SEMA3E: variants seen among roughly 807,000 people sequenced by gnomAD.
SEMA3E encodes semaphorin-3E.
In SEMA3E, 49 loss-of-function variants were observed where a neutral mutation model predicts 93.6. That is an observed-to-expected ratio of 0.52 (90% CI 0.42 to 0.66). The LOEUF (loss-of-function observed/expected upper bound fraction) is 0.66, where lower values mean the gene tolerates loss of function less well. Among genes scored for constraint, SEMA3E ranks in the 30% least tolerant of loss-of-function variants. The pLI is 0.00. For missense variants in SEMA3E, 906 were observed against 964.8 expected, an observed-to-expected ratio of 0.94 and a Z score of 0.81; for synonymous variants, 363 against 330.7, an observed-to-expected ratio of 1.10 and a Z score of -1.06.
chr7:83,478,513 C>T (rs1338740406), intron 2 of SEMA3E, among the ~76,000 whole-genome samples: 2 of 152,046 alleles, frequency 1.3e-5, no homozygotes, highest in Non-Finnish European at 2.9e-5. Context: ...CAAATGTGTA[C>T]AGATTGCAAG....
At chr7:83,439,435 T>C (rs566133546) in intron 4 of SEMA3E, among the ~76,000 whole-genome samples, 12 of 152,326 alleles carry the variant, frequency 7.9e-5, no homozygotes, top group African/African-American at 2.4e-4. Flanking sequence ...CTAAGGTTAA[T>C]GGGCAAAGTC....
intron 1 of SEMA3E, among the ~76,000 whole-genome samples, chr7:83,570,588 T>A: frequency 7.1e-6 from 1 of 140,944 alleles, no homozygotes; most frequent in Admixed American, 7.0e-5. Context: ...TAGAAAGGTC[T>A]CAGACTAATG....
intron 4 of SEMA3E, among the ~76,000 whole-genome samples, chr7:83,459,803 C>T (rs1274107905): frequency 6.6e-6 from 1 of 152,146 alleles, no homozygotes; most frequent in African/African-American, 2.4e-5. Flanking sequence ...TGACATTCCA[C>T]CACAAAAGAA....
chr7:83,440,473 C>T (rs1789090876), intron 4 of SEMA3E, among the ~76,000 whole-genome samples: 1 of 152,204 alleles, frequency 6.6e-6, no homozygotes, highest in African/African-American at 2.4e-5. Context: ...GTTGTTACTA[C>T]ATCCTCATAG....
At position 83,608,600 on chromosome 7, in the gene SEMA3E, C is replaced by T. The variant is rs115511785; in HGVS notation, c.115+39828G>A. Among the ~76,000 whole-genome samples, 200 of 152,200 alleles carry T rather than the reference C, an allele frequency of 1.3e-3. 1 individual carries two copies. Among genetic ancestry groups the T allele is most frequent in the African/African-American group, 4.7e-3 (196 of 41,540 alleles). On this transcript the variant is annotated intron_variant, in intron 1 of 16. Transcript: ENST00000643230. ...ATAAACAACCCCTCTCTTGTTCTCA[C>T]TGTATATTACATTCCATCAAGATGA...
intron 1 of SEMA3E, among the ~76,000 whole-genome samples, chr7:83,579,010 G>C (rs1792464628): frequency 6.6e-6 from 1 of 152,000 alleles, no homozygotes; most frequent in South Asian, 2.1e-4. Context: ...CGATATTATA[G>C]TATTTAATAT....
chr7:83,620,321 C>A (rs1004094022), intron 1 of SEMA3E, among the ~76,000 whole-genome samples: 1 of 151,872 alleles, frequency 6.6e-6, no homozygotes, highest in African/African-American at 2.4e-5. Context: ...GAATAAAAAT[C>A]TGAATAAACC....
chr7:83,466,625 G>A, intron 3 of SEMA3E, 24 bp from the exon 4 acceptor site: 1 of 1,610,970 alleles, frequency 6.2e-7, no homozygotes, highest in Non-Finnish European at 8.5e-7. Context: ...AAAAGGGAAG[G>A]AATCTATCAG....
At chr7:83,595,896 T>G (rs1475677779) in intron 1 of SEMA3E, among the ~76,000 whole-genome samples, 1 of 152,034 alleles carries the variant, frequency 6.6e-6, no homozygotes, top group African/African-American at 2.4e-5. Context: ...TAGGGAGAAA[T>G]AATTTATGAC....
intron 1 of SEMA3E, among the ~76,000 whole-genome samples, chr7:83,554,275 A>G (rs1312013660): frequency 6.6e-6 from 1 of 152,186 alleles, no homozygotes; most frequent in Non-Finnish European, 1.5e-5. Flanking sequence ...AATCCATACT[A>G]TCTTCTAAAA....
chr7:83,385,279 G>A lies in SEMA3E; in HGVS notation c.1875+15C>T, dbSNP rs1325542892. On this transcript the variant is annotated intron_variant, in intron 16 of 16. Transcript: ENST00000643230. ...ATGCAAAATACTATGTTTTGAATATGCAGCTATGAATTACCTCCTCTTTTC... is the reference window on the plus strand; with the variant it reads ...ATGCAAAATACTATGTTTTGAATATACAGCTATGAATTACCTCCTCTTTTC... The A allele has an allele frequency of 6.2e-7, 1 of 1,612,596 alleles. No individual in the cohort carries two copies. Among genetic ancestry groups the A allele is most frequent in the Non-Finnish European group, 8.5e-7 (1 of 1,179,014 alleles).
At chr7:83,442,772 C>T (rs914013016) in intron 4 of SEMA3E, among the ~76,000 whole-genome samples, 3 of 152,016 alleles carry the variant, frequency 2.0e-5, no homozygotes, top group Non-Finnish European at 4.4e-5. Flanking sequence ...ATGTTCCTGG[C>T]CAGGAACCCT....
At chr7:83,489,799 G>A (rs1790342358) in intron 2 of SEMA3E, among the ~76,000 whole-genome samples, 1 of 152,086 alleles carries the variant, frequency 6.6e-6, no homozygotes, top group South Asian at 2.1e-4. Flanking sequence ...GGAACTGGTG[G>A]TGATTCATCA....
At chr7:83,543,019 G>GTA (rs1791570628) in intron 1 of SEMA3E, among the ~76,000 whole-genome samples, 1 of 151,878 alleles carries the variant, frequency 6.6e-6, no homozygotes, top group African/African-American at 2.4e-5. Context: ...CTAGTCTTAA[G>GTA]GCTTTAGGGA....
rs977901585 is a variant in SEMA3E, at chr7:83,364,043, C to T, written c.*3543G>A. The T allele has an allele frequency of 3.3e-5, 5 of 150,444 alleles. No individual in the cohort carries two copies. The highest frequency in any genetic ancestry group is 7.3e-5 in the African/African-American group (3 of 40,916). 9.3% of individuals were successfully genotyped at this position (150,444 alleles called of 1,614,324 possible). On this transcript the variant is annotated 3_prime_UTR_variant, in exon 17 of 17. Coordinates refer to ENST00000643230, the MANE Select transcript of SEMA3E (RefSeq NM_012431.3). The stretch of plus-strand genomic sequence containing the variant: ...CCAAGTAGCTGGGACTACAGGCGCC[C>T]GCCACCGCGCCCGGCTAATTTTTTG...
intron 5 of SEMA3E, among the ~76,000 whole-genome samples, chr7:83,410,001 GAAT>G (rs1275670924): frequency 2.6e-5 from 4 of 151,274 alleles, no homozygotes; most frequent in South Asian, 4.2e-4. Context: ...ACCAAATTTA[GAAT>G]AATATGATAT....
intron 1 of SEMA3E, among the ~76,000 whole-genome samples, chr7:83,635,250 C>T (rs576059301): frequency 2.6e-5 from 4 of 151,646 alleles, no homozygotes; most frequent in South Asian, 2.1e-4. Context: ...ATCAATAATA[C>T]GCTGTTTTCA....
intron 10 of SEMA3E, among the ~76,000 whole-genome samples, chr7:83,401,177 A>G (rs1181330806): frequency 6.6e-6 from 1 of 152,166 alleles, no homozygotes; most frequent in African/African-American, 2.4e-5. Context: ...TAAATACTCA[A>G]CAGTAGCTTA....
chr7:83,376,168 G>T (rs1239057693), intron 16 of SEMA3E, among the ~76,000 whole-genome samples: 1 of 151,880 alleles, frequency 6.6e-6, no homozygotes, highest in African/African-American at 2.4e-5. Context: ...GAAAAACAAA[G>T]AAATAATATT....
Sources: allele counts gnomAD v4.1 joint callset (sites outside exome capture counted in the v4.1 genomes callset), GRCh38; gene constraint gnomAD v4.1.1; transcripts MANE v1.5; gene names NCBI Gene and HGNC (gene_info 2026-07-23, HGNC 2026-07-21).